C19orf47: variants seen among roughly 807,000 people sequenced by gnomAD.
C19orf47 encodes the protein chromosome 19 open reading frame 47.
In C19orf47, 18 loss-of-function variants were observed where a neutral mutation model predicts 32.3. That is an observed-to-expected ratio of 0.56 (90% CI 0.39 to 0.83). The LOEUF is 0.83. Ranked by LOEUF, C19orf47 falls within the 40% of genes least tolerant of loss-of-function variation. The pLI is 0.00. For synonymous variants in C19orf47, 202 were observed against 211.1 expected (o/e 0.96, Z 0.37); for missense variants, 484 against 531.6 (o/e 0.91, Z 0.88).
rs1600216663 is a variant in C19orf47 at position 40,342,009 on chromosome 19, C to G, written c.-33-119G>C. 2 of 1,500,926 alleles carry G rather than the reference C, an allele frequency of 1.3e-6. 1 individual carries two copies. The highest frequency in any genetic ancestry group is 1.8e-6 in the Non-Finnish European group (2 of 1,127,052). The allele number at this position is 1,500,926 out of a possible 1,614,324, so 93.0% of individuals were successfully genotyped here. ...GTTCCTGGGCTAGGGGCTCACCGCC[C>G]AGGAATAGCCTGGAGCAGCTGGCAG... is the stretch of plus-strand genomic sequence containing the variant. On this transcript the variant is annotated intron_variant, in intron 1 of 8. Coordinates refer to ENST00000683109, the MANE Select transcript of C19orf47 (RefSeq NM_001256441.2).
At position 40,321,572 on chromosome 19, in the gene C19orf47, A is replaced by C; in HGVS notation, c.*310T>G. 8.8e-7 allele frequency: 1 copy of C among 1,134,200 alleles called. No individual in the cohort carries two copies. 70.3% of individuals were successfully genotyped at this position (1,134,200 alleles called of 1,614,324 possible). A position where few individuals can be genotyped will look rare whatever the true frequency, so the allele number is the denominator to read the frequency against. The stretch of plus-strand genomic sequence containing the variant: ...CTGCTCAGGGGAAGAAGGGGAATGT[A>C]GGAGAGGAAGAAGCCCCCTGGCACT... On this transcript the variant is annotated 3_prime_UTR_variant, in exon 9 of 9. Coordinates refer to ENST00000683109, the MANE Select transcript of C19orf47 (RefSeq NM_001256441.2).
chr19:40,347,825 C>T (rs1410698502), intron 1 of C19orf47, among the ~76,000 whole-genome samples: 1 of 152,120 alleles, frequency 6.6e-6, no homozygotes, highest in Non-Finnish European at 1.5e-5. Flanking sequence ...TCTCACTGTG[C>T]CAGCCCCTCT....
chr19:40,316,812 T>G (rs1166668859), downstream of C19orf47, among the ~76,000 whole-genome samples: 1 of 152,192 alleles, frequency 6.6e-6, no homozygotes, highest in Admixed American at 6.6e-5. Flanking sequence ...GTAAGGAAAA[T>G]TGTTCATTCT....
chr19:40,300,796 T>G, the C19orf47 span, among the ~76,000 whole-genome samples: 1 of 152,152 alleles, frequency 6.6e-6, no homozygotes, highest in Admixed American at 6.6e-5. Flanking sequence ...AATAAACTTA[T>G]GATTATAACA....
chr19:40,315,409 G>A (rs2077655061), downstream of C19orf47, among the ~76,000 whole-genome samples: 1 of 152,136 alleles, frequency 6.6e-6, no homozygotes, highest in Admixed American at 6.5e-5. Context: ...ATTTTGGGAG[G>A]CTGAGGTGAG....
the C19orf47 span, chr19:40,299,541 C>T: frequency 6.6e-6 from 1 of 152,204 alleles, no homozygotes; most frequent in African/African-American, 2.4e-5. Context: ...CTAATCTTCT[C>T]TGCATCATTC....
In C19orf47 at chr19:40,322,248, G is replaced by A. The variant is rs2077735370; in HGVS notation, c.792C>T (p.Gly264=). Residue 264 remains glycine (G), a synonymous_variant, in exon 9 of 9, where the codon GGC becomes GGT. Transcript: ENST00000683109. Reference sequence around the variant, plus strand: ...CTGGCTGGGGACTGGCCTTGGCTGGGCCCCGTCCTAGCTTCTTCAGGACCC... The same window carrying A: ...CTGGCTGGGGACTGGCCTTGGCTGGACCCCGTCCTAGCTTCTTCAGGACCC... ...YAGVLKKLGR[G]PAKASPQPAL... 1.9e-6 allele frequency: 3 copies of A among 1,608,686 alleles called. No homozygotes were observed. Among genetic ancestry groups the A allele is most frequent in the African/African-American group, 1.3e-5 (1 of 74,930 alleles).
chr19:40,310,045 G>A, the C19orf47 span, among the ~76,000 whole-genome samples: 1 of 152,170 alleles, frequency 6.6e-6, no homozygotes, highest in African/African-American at 2.4e-5. Flanking sequence ...GAAAACATAT[G>A]TCTACACAGA....
intron 6 of C19orf47, among the ~76,000 whole-genome samples, chr19:40,327,135 T>C (rs901165505): frequency 6.7e-6 from 1 of 149,816 alleles, no homozygotes; most frequent in Admixed American, 6.7e-5. Flanking sequence ...TGCCTCAGCC[T>C]CCCAAGTAGC....
upstream of C19orf47, chr19:40,348,406 C>A (rs769966141): frequency 9.4e-6 from 14 of 1,483,162 alleles, 1 homozygote; most frequent in South Asian, 1.8e-4. Context: ...TCCCCCGGCC[C>A]GGGCTGCCCG....
At chr19:40,332,205 A>G (rs541529034) in intron 5 of C19orf47, among the ~76,000 whole-genome samples, 1 of 152,022 alleles carries the variant, frequency 6.6e-6, no homozygotes, top group African/African-American at 2.4e-5. Flanking sequence ...TAAAAATACA[A>G]AAATTGGCTG....
In C19orf47 at chr19:40,329,992, G is replaced by A. The variant is rs1233442960; in HGVS notation, c.302-1442C>T. ...ATGACAGGCAAGCCCCATTTGGGTG[G>A]CGGTTAAGCAACCAACTCTGTCTTT... On this transcript the variant is annotated intron_variant, in intron 5 of 8. Coordinates refer to ENST00000683109, the MANE Select transcript of C19orf47 (RefSeq NM_001256441.2). Among the ~76,000 whole-genome samples the A allele has an allele frequency of 2.0e-5, 3 of 152,160 alleles. No homozygotes were observed. The East Asian group carries it at 5.8e-4, about 29-fold the overall frequency.
chr19:40,325,739 G>A (rs1377077448), intron 7 of C19orf47, among the ~76,000 whole-genome samples: 1 of 152,206 alleles, frequency 6.6e-6, no homozygotes, highest in African/African-American at 2.4e-5. Context: ...TGGGAGTGAG[G>A]GAAAAGAGTT....
At chr19:40,303,760 C>A in the C19orf47 span, among the ~76,000 whole-genome samples, 3 of 136,452 alleles carry the variant, frequency 2.2e-5, no homozygotes, top group Non-Finnish European at 3.0e-5. Flanking sequence ...GCCGAGATCG[C>A]ATCACTGCAC....
At chr19:40,313,722 G>A in the C19orf47 span, among the ~76,000 whole-genome samples, 1 of 152,104 alleles carries the variant, frequency 6.6e-6, no homozygotes, top group Non-Finnish European at 1.5e-5. Flanking sequence ...GCTCATGCCT[G>A]TAATTCCTAC....
chr19:40,331,425 G>A (rs2077951038), intron 5 of C19orf47, among the ~76,000 whole-genome samples: 1 of 152,214 alleles, frequency 6.6e-6, no homozygotes, highest in Non-Finnish European at 1.5e-5. Context: ...AAAATCAGCT[G>A]AGCTGGCCTA....
At chr19:40,327,765 T>A (rs1206470082) in intron 6 of C19orf47, among the ~76,000 whole-genome samples, 5 of 152,050 alleles carry the variant, frequency 3.3e-5, no homozygotes, top group Admixed American at 6.5e-5. Flanking sequence ...GAGGCCAACA[T>A]GGAGCAGTCT....
In C19orf47 at chr19:40,336,255, G is replaced by A. The variant is rs776832588; in HGVS notation, c.108-31C>T. The A allele has an allele frequency of 3.3e-5, 53 of 1,613,406 alleles. No individual in the cohort carries two copies. The Middle Eastern group carries it at 4.9e-4, about 15-fold the overall frequency. Reference sequence around the variant, plus strand: ...GGGAAAGGTCAGTGGTGAGGCCCCAGGTGGGCCAGAGTGGGTGGGCCAGCC... The same window carrying A: ...GGGAAAGGTCAGTGGTGAGGCCCCAAGTGGGCCAGAGTGGGTGGGCCAGCC... On this transcript the variant is annotated intron_variant, in intron 3 of 8. Transcript: ENST00000683109.
At chr19:40,336,801 C>T (rs190122800) in intron 2 of C19orf47, among the ~76,000 whole-genome samples, 1 of 152,254 alleles carries the variant, frequency 6.6e-6, no homozygotes, top group East Asian at 1.9e-4. Flanking sequence ...GGGTTCTCTG[C>T]CCTAGTCCCC....
Sources: gnomAD v4.1 joint callset for allele counts (sites outside exome capture counted in the v4.1 genomes callset) on GRCh38, gnomAD v4.1.1 for gene constraint, MANE v1.5 for transcripts, NCBI Gene and HGNC (gene_info 2026-07-23, HGNC 2026-07-21) for gene names.